Variants in GPHN observed in about 807,000 individuals in gnomAD.
The protein encoded by GPHN is gephyrin.
A neutral mutation model predicts 95.5 loss-of-function variants in GPHN; 17 were observed. The observed-to-expected ratio is 0.18, with a 90% CI of 0.12 to 0.27. The LOEUF is 0.27. Among genes scored for constraint, GPHN ranks in the 10% least tolerant of loss-of-function variants. The pLI, the probability that GPHN is intolerant of heterozygous loss-of-function variation, is 1.00. For missense variants in GPHN, 660 were observed against 978.1 expected (o/e 0.67, Z 4.34); for synonymous variants, 320 against 322.5 (o/e 0.99, Z 0.08).
At chr14:66,586,212 C>T (rs2061412638) in intron 1 of GPHN, among the ~76,000 whole-genome samples, 1 of 129,066 alleles carries the variant, frequency 7.7e-6, no homozygotes, top group East Asian at 2.5e-4. Context: ...GGATTGCAAC[C>T]CCTTCCTTTT....
intron 3 of GPHN, among the ~76,000 whole-genome samples, chr14:66,810,031 A>G (rs1185823951): frequency 6.6e-6 from 1 of 151,840 alleles, no homozygotes; most frequent in Admixed American, 6.6e-5. Flanking sequence ...TCTTTTTGCT[A>G]TTTTTTGCTG....
intron 11 of GPHN, among the ~76,000 whole-genome samples, chr14:67,069,689 C>A (rs1289375387): frequency 6.6e-6 from 1 of 152,176 alleles, no homozygotes; most frequent in Non-Finnish European, 1.5e-5. Flanking sequence ...CCCAAGACAG[C>A]AAAAGCTAAA....
intron 2 of GPHN, among the ~76,000 whole-genome samples, chr14:66,742,902 C>T (rs2072916051): frequency 1.3e-5 from 2 of 152,192 alleles, no homozygotes; most frequent in African/African-American, 4.8e-5. Flanking sequence ...GTTGGGACCA[C>T]AGGCGCACAC....
chr14:67,157,583 G>A (rs762969718), intron 18 of GPHN, among the ~76,000 whole-genome samples: 4 of 152,118 alleles, frequency 2.6e-5, no homozygotes, highest in Non-Finnish European at 4.4e-5. Flanking sequence ...CAACACTTTG[G>A]GAGGCCAGGG....
chr14:66,513,750 C>A lies in GPHN; in HGVS notation c.64+5159C>A, dbSNP rs533859731. ...TTCATTAAAAAGTTTTTTTGAGTGA[C>A]CTCTCAAAAAGGAAATGTTTAATGA... On this transcript the variant is annotated intron_variant, in intron 1 of 22. Coordinates refer to ENST00000478722, the MANE Select transcript of GPHN (RefSeq NM_020806.5). Among the ~76,000 whole-genome samples the A allele has an allele frequency of 2.0e-5, 3 of 151,738 alleles. No homozygotes were observed. In the East Asian group the frequency reaches 5.8e-4, roughly 29 times the overall value.
chr14:67,004,689 A>G lies in GPHN; in HGVS notation c.964-18944A>G, dbSNP rs184808008. On this transcript the variant is annotated intron_variant, in intron 9 of 22. Coordinates refer to ENST00000478722, the MANE Select transcript of GPHN (RefSeq NM_020806.5). ...TTCACCAAATTATTGTTAAGTCACAAAAAAAGAATTTGGTAAAGGCAGATT... is the reference window on the plus strand; with the variant it reads ...TTCACCAAATTATTGTTAAGTCACAGAAAAAGAATTTGGTAAAGGCAGATT... Among the ~76,000 whole-genome samples the G allele has an allele frequency of 2.0e-5, 3 of 151,926 alleles. No individual in the cohort carries two copies. In the East Asian group the frequency reaches 5.8e-4, roughly 29 times the overall value.
intron 1 of GPHN, among the ~76,000 whole-genome samples, chr14:66,593,076 C>G (rs2061826744): frequency 6.6e-6 from 1 of 152,266 alleles, no homozygotes; most frequent in Non-Finnish European, 1.5e-5. Flanking sequence ...CATGTTCTCA[C>G]TCATAAATGG....
chr14:66,795,052 GC>G (rs1474671300), intron 3 of GPHN, among the ~76,000 whole-genome samples: 1 of 151,938 alleles, frequency 6.6e-6, no homozygotes, highest in Non-Finnish European at 1.5e-5. Flanking sequence ...TCCAGCCTGG[GC>G]ATCATAGTGA....
rs567113856 is a variant in GPHN at position 67,121,136 on chromosome 14, G to T, written c.1627-1120G>T. On this transcript the variant is annotated intron_variant, in intron 16 of 22. Coordinates refer to ENST00000478722, the MANE Select transcript of GPHN (RefSeq NM_020806.5). Reference sequence around the variant, plus strand: ...TTAACCTCCTAAAATAATAGTCCAGGTTTTCTCACTTCAAGTAAGTACTTC... The same window carrying T: ...TTAACCTCCTAAAATAATAGTCCAGTTTTTCTCACTTCAAGTAAGTACTTC... Among the ~76,000 whole-genome samples, 286 of 152,072 alleles carry T rather than the reference G, an allele frequency of 1.9e-3. 2 individuals carry two copies. Among genetic ancestry groups the T allele is most frequent in the Admixed American group, 3.1e-3 (48 of 15,274 alleles).
At chr14:67,424,466 G>A in the GPHN span, among the ~76,000 whole-genome samples, 1 of 151,622 alleles carries the variant, frequency 6.6e-6, no homozygotes, top group Non-Finnish European at 1.5e-5. Context: ...AAAAATACAG[G>A]TGTGTGCTTG....
chr14:66,561,727 T>C (rs1436557280), intron 1 of GPHN, among the ~76,000 whole-genome samples: 3 of 152,180 alleles, frequency 2.0e-5, no homozygotes, highest in Admixed American at 6.6e-5. Flanking sequence ...ACTTTTAGTT[T>C]TCTATTGTTA....
chr14:67,154,064 T>G (rs1451643330), intron 18 of GPHN, among the ~76,000 whole-genome samples: 1 of 152,230 alleles, frequency 6.6e-6, no homozygotes, highest in Non-Finnish European at 1.5e-5. Flanking sequence ...CTTTCCAAAC[T>G]CTGCATCATA....
At chr14:67,716,834 C>CT in the GPHN span, among the ~76,000 whole-genome samples, 4 of 150,334 alleles carry the variant, frequency 2.7e-5, no homozygotes, top group African/African-American at 9.8e-5. Context: ...CAGTGAGCCG[C>CT]TATCACACCA....
At chr14:67,347,942 C>CA in the GPHN span, among the ~76,000 whole-genome samples, 2 of 150,420 alleles carry the variant, frequency 1.3e-5, no homozygotes, top group Admixed American at 6.6e-5. Flanking sequence ...GACAGAGTCT[C>CA]ACTCTGTCGC....
At chr14:66,930,666 C>T (rs956515070) in intron 8 of GPHN, among the ~76,000 whole-genome samples, 2 of 151,816 alleles carry the variant, frequency 1.3e-5, no homozygotes, top group Admixed American at 1.3e-4. Context: ...GCTGGGACTA[C>T]AGGCACGCAA....
the GPHN span, among the ~76,000 whole-genome samples, chr14:67,623,159 A>C: frequency 6.6e-6 from 1 of 152,204 alleles, no homozygotes; most frequent in Non-Finnish European, 1.5e-5. Flanking sequence ...AGAATCTCAT[A>C]GCCTATTAAA....
chr14:67,733,917 C>A, the GPHN span: 1 of 1,185,440 alleles, frequency 8.4e-7, no homozygotes, highest in Non-Finnish European at 1.3e-6. Context: ...AGGAGAAGGC[C>A]AACCCTAAAG....
At chr14:66,633,371 C>T (rs1365893154) in intron 1 of GPHN, among the ~76,000 whole-genome samples, 1 of 152,136 alleles carries the variant, frequency 6.6e-6, no homozygotes. Flanking sequence ...TTTTATTCAA[C>T]TGGCAGGCAA....
At chr14:67,166,356 CTGGAA>C in intron 20 of GPHN, among the ~76,000 whole-genome samples, 1 of 152,146 alleles carries the variant, frequency 6.6e-6, no homozygotes, top group Non-Finnish European at 1.5e-5. Flanking sequence ...TTCATTTAGC[CTGGAA>C]GAGCCTCTTT....
Sources: gnomAD v4.1 joint callset for allele counts (sites outside exome capture counted in the v4.1 genomes callset) on GRCh38, gnomAD v4.1.1 for gene constraint, MANE v1.5 for transcripts, NCBI Gene and HGNC (gene_info 2026-07-23, HGNC 2026-07-21) for gene names.